The following SPOCK3 variants were observed in gnomAD, a reference collection of about 807,000 sequenced individuals.
The protein encoded by SPOCK3 is testican-3.
Under a neutral mutation model 56.6 loss-of-function variants are expected in SPOCK3, and 30 were observed. That is an observed-to-expected ratio of 0.53 (90% CI 0.40 to 0.72). SPOCK3 has a LOEUF of 0.72. Among genes scored for constraint, SPOCK3 ranks in the 30% least tolerant of loss-of-function variants. SPOCK3 has a pLI of 0.00. For missense variants in SPOCK3, 527 were observed against 530.0 expected (o/e 0.99, Z 0.06); for synonymous variants, 196 against 183.3 (o/e 1.07, Z -0.56).
rs755754993 is a variant in SPOCK3 at position 166,734,881 on chromosome 4, T to C, written c.*40A>G. The C allele has an allele frequency of 9.2e-6, 13 of 1,414,664 alleles. No individual in the cohort carries two copies. The East Asian group carries it at 3.0e-4, about 32-fold the overall frequency. The allele number at this position is 1,414,664 out of a possible 1,614,324, so 87.6% of individuals were successfully genotyped here. A position where few individuals can be genotyped will look rare whatever the true frequency, so the allele number is the denominator to read the frequency against. On this transcript the variant is annotated 3_prime_UTR_variant, in exon 11 of 11. Coordinates refer to ENST00000357545, the MANE Select transcript of SPOCK3 (RefSeq NM_001040159.2). Reference sequence around the variant, plus strand: ...TTAAATAGGCTATCATTTTTGTAAATATTAGAAATGTAGAATTTATTGATT... The same window carrying C: ...TTAAATAGGCTATCATTTTTGTAAACATTAGAAATGTAGAATTTATTGATT...
chr4:166,829,236 G>T (rs941176843), intron 6 of SPOCK3, among the ~76,000 whole-genome samples: 1 of 152,034 alleles, frequency 6.6e-6, no homozygotes, highest in Non-Finnish European at 1.5e-5. Flanking sequence ...CAAAATGGTA[G>T]TAATTTTGTT....
chr4:166,901,350 G>C (rs553725365), intron 5 of SPOCK3, among the ~76,000 whole-genome samples: 1 of 152,154 alleles, frequency 6.6e-6, no homozygotes, highest in African/African-American at 2.4e-5. Flanking sequence ...TGCACTGTCA[G>C]TCTATGTCCC....
intron 2 of SPOCK3, among the ~76,000 whole-genome samples, chr4:167,092,188 G>C (rs1758764999): frequency 6.6e-6 from 1 of 152,158 alleles, no homozygotes; most frequent in Non-Finnish European, 1.5e-5. Flanking sequence ...GAAGCACAAG[G>C]GGTCGGGGAA....
At chr4:166,935,899 G>T (rs774411196) in intron 4 of SPOCK3, among the ~76,000 whole-genome samples, 8 of 152,112 alleles carry the variant, frequency 5.3e-5, no homozygotes, top group African/African-American at 1.4e-4. Context: ...GTTAGATGTG[G>T]TATATAATAA....
rs188963109 is a variant in SPOCK3, at chr4:167,120,155, C to T, written c.190-57618G>A. On this transcript the variant is annotated intron_variant, in intron 2 of 10. Coordinates refer to ENST00000357545, the MANE Select transcript of SPOCK3 (RefSeq NM_001040159.2). ...AGAGGCACAATAATTATGTGGTTGACGAGTTAGACTCTGGATCCAGGGTTT... is the reference window on the plus strand; with the variant it reads ...AGAGGCACAATAATTATGTGGTTGATGAGTTAGACTCTGGATCCAGGGTTT... Among the ~76,000 whole-genome samples the T allele has an allele frequency of 1.2e-3, 177 of 152,100 alleles. 1 individual carries two copies. Among genetic ancestry groups the T allele is most frequent in the Admixed American group, 9.2e-4 (14 of 15,262 alleles).
At chr4:167,152,323 A>G (rs1276806977) in intron 2 of SPOCK3, among the ~76,000 whole-genome samples, 1 of 152,116 alleles carries the variant, frequency 6.6e-6, no homozygotes, top group African/African-American at 2.4e-5. Flanking sequence ...ATAATCCACC[A>G]ATAACTACAC....
chr4:167,111,705 T>C (rs1760912580), intron 2 of SPOCK3, among the ~76,000 whole-genome samples: 1 of 151,886 alleles, frequency 6.6e-6, no homozygotes, highest in Non-Finnish European at 1.5e-5. Context: ...CCAGAGTTGA[T>C]GACTGAATTC....
At chr4:167,083,273 A>G in intron 2 of SPOCK3, 5 of 765,240 alleles carry the variant, frequency 6.5e-6, no homozygotes, top group Non-Finnish European at 1.2e-5. Flanking sequence ...GATTCCTCCA[A>G]CCAAGCCCAA....
intron 6 of SPOCK3, among the ~76,000 whole-genome samples, chr4:166,881,932 C>T (rs1733725563): frequency 6.6e-6 from 1 of 152,056 alleles, no homozygotes; most frequent in South Asian, 2.1e-4. Context: ...TCCTTATTAT[C>T]GTACATTATA....
chr4:167,108,841 T>G lies in SPOCK3; in HGVS notation c.190-46304A>C, dbSNP rs181074704. On this transcript the variant is annotated intron_variant, in intron 2 of 10. Coordinates refer to ENST00000357545, the MANE Select transcript of SPOCK3 (RefSeq NM_001040159.2). ...TGTTTGTTACACAAAGGATACATGT[T>G]TGAGGTGATGAATACTCCATTTACT... 1.9e-3 allele frequency among the ~76,000 whole-genome samples: 278 copies of G among 148,648 alleles called. 1 individual carries two copies. Among genetic ancestry groups the G allele is most frequent in the African/African-American group, 6.8e-3 (273 of 40,404 alleles).
chr4:166,966,627 T>C (rs1220699511), intron 4 of SPOCK3, among the ~76,000 whole-genome samples: 4 of 152,188 alleles, frequency 2.6e-5, no homozygotes, highest in Non-Finnish European at 5.9e-5. Context: ...AAGAATAAAA[T>C]GACTACAATC....
At chr4:167,035,466 A>G (rs1752662903) in intron 3 of SPOCK3, among the ~76,000 whole-genome samples, 1 of 152,178 alleles carries the variant, frequency 6.6e-6, no homozygotes, top group South Asian at 2.1e-4. Context: ...AGCCAGCTCA[A>G]GAAAAGTCCC....
intron 6 of SPOCK3, among the ~76,000 whole-genome samples, chr4:166,812,811 C>T (rs1197806979): frequency 1.3e-5 from 2 of 151,978 alleles, no homozygotes; most frequent in Non-Finnish European, 2.9e-5. Context: ...CACACATACA[C>T]ACATATACTC....
intron 8 of SPOCK3, among the ~76,000 whole-genome samples, chr4:166,745,232 CAGAG>C (rs1267278918): frequency 6.6e-6 from 1 of 152,074 alleles, no homozygotes; most frequent in Non-Finnish European, 1.5e-5. Flanking sequence ...TAAGGGCAGC[CAGAG>C]AGAAAGGTCG....
chr4:167,139,683 A>C (rs72699663), intron 2 of SPOCK3, among the ~76,000 whole-genome samples: 70 of 152,194 alleles, frequency 4.6e-4, no homozygotes, highest in Non-Finnish European at 8.5e-4. Context: ...ATATTTTCAC[A>C]AGAATTTTAT....
chr4:166,802,220 C>T (rs1742679248), intron 6 of SPOCK3, among the ~76,000 whole-genome samples: 1 of 151,676 alleles, frequency 6.6e-6, no homozygotes, highest in Non-Finnish European at 1.5e-5. Flanking sequence ...GAGTTTCTGT[C>T]TGTAAAGATC....
intron 4 of SPOCK3, among the ~76,000 whole-genome samples, chr4:166,951,135 A>G (rs1439903891): frequency 2.1e-5 from 3 of 144,636 alleles, no homozygotes; most frequent in East Asian, 3.9e-4. Context: ...CAGAAAATTA[A>G]TGAATCCAGG....
intron 2 of SPOCK3, among the ~76,000 whole-genome samples, chr4:167,096,924 A>T (rs1180052438): frequency 6.6e-6 from 1 of 151,716 alleles, no homozygotes; most frequent in Admixed American, 6.6e-5. Context: ...TTTGCCTTAC[A>T]TGTTTTGACA....
chr4:166,913,143 C>T (rs1283477132), intron 4 of SPOCK3, among the ~76,000 whole-genome samples: 1 of 152,102 alleles, frequency 6.6e-6, no homozygotes, highest in Non-Finnish European at 1.5e-5. Context: ...ACATCTAATC[C>T]ACTGGGTGCC....
Sources: allele counts gnomAD v4.1 joint callset (sites outside exome capture counted in the v4.1 genomes callset), GRCh38; gene constraint gnomAD v4.1.1; transcripts MANE v1.5; gene names NCBI Gene and HGNC (gene_info 2026-07-23, HGNC 2026-07-21).